Variants in GPR158 observed in about 807,000 individuals in gnomAD.
The protein encoded by GPR158 is G protein-coupled receptor 158, also known as metabotropic glycine receptor.
A neutral mutation model predicts 78.2 loss-of-function variants in GPR158; 30 were observed. The ratio of observed to expected loss-of-function variants is 0.38; its 90% CI spans 0.29 to 0.52. The LOEUF (loss-of-function observed/expected upper bound fraction) is 0.52, where lower values mean the gene tolerates loss of function less well. Ranked by LOEUF, GPR158 falls within the 20% of genes least tolerant of loss-of-function variation. GPR158 has a pLI of 0.83. For synonymous variants in GPR158, 581 were observed against 591.1 expected, an observed-to-expected ratio of 0.98 and a Z score of 0.25; for missense variants, 1,463 against 1,523.5, an observed-to-expected ratio of 0.96 and a Z score of 0.66.
intron 5 of GPR158, among the ~76,000 whole-genome samples, chr10:25,492,123 G>C (rs1443741406): frequency 7.0e-6 from 1 of 142,956 alleles, no homozygotes; most frequent in Non-Finnish European, 1.6e-5. Flanking sequence ...CATGGTGAGA[G>C]AGGAAGAAAG....
intron 5 of GPR158, among the ~76,000 whole-genome samples, chr10:25,493,548 G>C (rs1318848383): frequency 1.3e-5 from 2 of 152,128 alleles, no homozygotes; most frequent in African/African-American, 4.8e-5. Context: ...TCTGGAGACA[G>C]GTACCCCATT....
intron 1 of GPR158, among the ~76,000 whole-genome samples, chr10:25,180,598 A>G (rs769035425): frequency 2.6e-5 from 4 of 152,230 alleles, no homozygotes; most frequent in African/African-American, 4.8e-5. Context: ...AGAGTATTCA[A>G]TTTGAGGTGG....
chr10:25,446,571 C>T (rs573916708), intron 4 of GPR158, among the ~76,000 whole-genome samples: 12 of 152,246 alleles, frequency 7.9e-5, no homozygotes, highest in African/African-American at 2.9e-4. Context: ...CATTTCAGAA[C>T]TTCTTGTATT....
chr10:25,496,860 G>A (rs879395299), intron 5 of GPR158, among the ~76,000 whole-genome samples: 31 of 152,294 alleles, frequency 2.0e-4, no homozygotes, highest in African/African-American at 7.0e-4. Context: ...TACTAGCAGT[G>A]AGGAACAGTT....
intron 2 of GPR158, among the ~76,000 whole-genome samples, chr10:25,358,293 A>T (rs181797399): frequency 6.6e-6 from 1 of 151,936 alleles, no homozygotes; most frequent in African/African-American, 2.4e-5. Context: ...ATGATTTGAG[A>T]CTTTGGGGGA....
At chr10:25,442,219 T>C (rs1280162649) in intron 4 of GPR158, among the ~76,000 whole-genome samples, 1 of 152,194 alleles carries the variant, frequency 6.6e-6, no homozygotes, top group African/African-American at 2.4e-5. Context: ...TTTTTTTATT[T>C]TTTTTCATTG....
At chr10:25,349,573 C>G (rs976123025) in intron 2 of GPR158, among the ~76,000 whole-genome samples, 7 of 146,430 alleles carry the variant, frequency 4.8e-5, no homozygotes, top group African/African-American at 1.7e-4. Context: ...TCCTTTAGCT[C>G]TCTCTTTCCT....
intron 2 of GPR158, among the ~76,000 whole-genome samples, chr10:25,392,469 A>T (rs1399838737): frequency 6.6e-6 from 1 of 152,264 alleles, no homozygotes; most frequent in Admixed American, 6.5e-5. Flanking sequence ...CACTGGCCAC[A>T]GAGGTTTCTG....
At chr10:25,345,045 A>T (rs1334925953) in intron 2 of GPR158, among the ~76,000 whole-genome samples, 1 of 151,864 alleles carries the variant, frequency 6.6e-6, no homozygotes, top group African/African-American at 2.4e-5. Context: ...TAATACTATC[A>T]CCTTGGGGGC....
At chr10:25,384,757 A>G (rs1481154550) in intron 2 of GPR158, among the ~76,000 whole-genome samples, 1 of 151,932 alleles carries the variant, frequency 6.6e-6, no homozygotes, top group African/African-American at 2.4e-5. Flanking sequence ...TAGCCATTCC[A>G]TTTCTCAGTA....
At chr10:25,453,627 G>C (rs927437079) in intron 4 of GPR158, among the ~76,000 whole-genome samples, 4 of 152,102 alleles carry the variant, frequency 2.6e-5, no homozygotes, top group African/African-American at 9.7e-5. Flanking sequence ...ATAAGGATCT[G>C]ATTTCATTCT....
intron 2 of GPR158, among the ~76,000 whole-genome samples, chr10:25,258,982 A>AT (rs1194373953): frequency 6.6e-6 from 1 of 152,156 alleles, no homozygotes; most frequent in Non-Finnish European, 1.5e-5. Flanking sequence ...GAGAAAATAC[A>AT]TTTTTTATTC....
intron 4 of GPR158, among the ~76,000 whole-genome samples, chr10:25,453,152 A>G (rs1020650519): frequency 1.3e-4 from 20 of 152,190 alleles, no homozygotes; most frequent in African/African-American, 4.8e-4. Flanking sequence ...CTGATTTCAT[A>G]TCTTGGCTGT....
rs1837505417 is a variant in GPR158 at position 25,601,950 on chromosome 10, A to C, written c.*2676A>C. 6.6e-6 allele frequency: 1 copy of C among 152,634 alleles called. No individual in the cohort carries two copies. Among genetic ancestry groups the C allele is most frequent in the Non-Finnish European group, 1.5e-5 (1 of 68,040 alleles). 9.5% of individuals were successfully genotyped at this position (152,634 alleles called of 1,614,324 possible). The stretch of plus-strand genomic sequence containing the variant: ...AAACTTTGGTGGCAATATGGATTTG[A>C]AACTCGACAGTTCTCTTGTATTTGC... On this transcript the variant is annotated 3_prime_UTR_variant, in exon 11 of 11. Transcript: ENST00000376351.
intron 3 of GPR158, among the ~76,000 whole-genome samples, chr10:25,405,190 A>C (rs1341038028): frequency 6.6e-6 from 1 of 152,060 alleles, no homozygotes; most frequent in East Asian, 1.9e-4. Context: ...AAAGATATAT[A>C]TATTTCTATT....
rs1834774236 is a variant in GPR158, at chr10:25,423,114, T to TATACGTATATACGTATATACGTATATAC, written c.1335+10644_1335+10645insCGTATATACGTATATACGTATATACATA. 1.1e-4 allele frequency among the ~76,000 whole-genome samples: 16 copies of TATACGTATATACGTATATACGTATATAC among 144,574 alleles called. No individual in the cohort carries two copies. In the South Asian group the frequency reaches 3.3e-3, roughly 29 times the overall value. The allele number at this position is 144,574 out of a possible 152,430, so 94.8% of individuals were successfully genotyped here. On this transcript the variant is annotated intron_variant, in intron 4 of 10. Transcript: ENST00000376351. ...GTGTGTGTGTGTATATGTCTACACA[T>TATACGTATATACGTATATACGTATATAC]ATATACATATATATGTATATACATA...
chr10:25,428,901 G>A (rs921170679), intron 4 of GPR158, among the ~76,000 whole-genome samples: 2 of 152,054 alleles, frequency 1.3e-5, no homozygotes, highest in African/African-American at 4.8e-5. Context: ...GAAGTTTAGA[G>A]CAGTATAATC....
chr10:25,420,130 G>A (rs1834729232), intron 4 of GPR158, among the ~76,000 whole-genome samples: 2 of 151,444 alleles, frequency 1.3e-5, no homozygotes, highest in Middle Eastern at 3.4e-3. Flanking sequence ...TTCTTAATAG[G>A]GTCTTTTGAA....
Position 25,599,124 on chromosome 10 carries a change from A to T in GPR158, c.3498A>T (p.Thr1166=), listed in dbSNP as rs1588931164. 1 of 1,611,612 alleles carries T rather than the reference A, an allele frequency of 6.2e-7. No homozygotes were observed. Among genetic ancestry groups the T allele is most frequent in the South Asian group, 1.1e-5 (1 of 91,072 alleles). ...GTAATAACTTCCAGCAACCTTTAAC[A>T]TCACGAGCAGAGGTTTGTCCTTGGG... ...NSSNNFQQPL[T]SRAEVCPWEF... The change falls in exon 11 of 11, where the codon ACA becomes ACT. Residue 1166 remains threonine, a synonymous_variant. Transcript: ENST00000376351.
Sources: allele counts gnomAD v4.1 joint callset (sites outside exome capture counted in the v4.1 genomes callset), GRCh38; gene constraint gnomAD v4.1.1; transcripts MANE v1.5; gene names NCBI Gene and HGNC (gene_info 2026-07-23, HGNC 2026-07-21).